Variants in CMSS1 observed in about 807,000 individuals in gnomAD.
CMSS1 encodes the protein cms1 ribosomal small subunit homolog, also known as protein CMSS1.
Under a neutral mutation model 43.5 loss-of-function variants are expected in CMSS1, and 33 were observed. The observed-to-expected ratio is 0.76, with a 90% CI of 0.57 to 1.01. The LOEUF is 1.01. CMSS1 is among the 50% of genes least tolerant of loss of function. CMSS1 has a pLI of 0.00. For synonymous variants in CMSS1, 115 were observed against 117.2 expected, an observed-to-expected ratio of 0.98 and a Z score of 0.12; for missense variants, 313 against 326.4, an observed-to-expected ratio of 0.96 and a Z score of 0.32.
At chr3:99,939,432 C>T (rs1707790125) in intron 1 of CMSS1, among the ~76,000 whole-genome samples, 1 of 152,180 alleles carries the variant, frequency 6.6e-6, no homozygotes, top group South Asian at 2.1e-4. Context: ...CACTCAGTTT[C>T]TTTATTCATT....
At chr3:100,056,589 A>G (rs531859522) in intron 1 of CMSS1, among the ~76,000 whole-genome samples, 66 of 152,244 alleles carry the variant, frequency 4.3e-4, no homozygotes, top group African/African-American at 1.5e-3. Context: ...GTGATTAACA[A>G]GTTTGTCATA....
intron 4 of CMSS1, among the ~76,000 whole-genome samples, chr3:100,163,200 T>C (rs1232200274): frequency 6.6e-6 from 1 of 152,242 alleles, no homozygotes; most frequent in Non-Finnish European, 1.5e-5. Flanking sequence ...ATCATGAGGA[T>C]AGAAGTTGAA....
chr3:99,950,080 C>T (rs1382627559), intron 1 of CMSS1, among the ~76,000 whole-genome samples: 1 of 152,144 alleles, frequency 6.6e-6, no homozygotes, highest in Non-Finnish European at 1.5e-5. Flanking sequence ...TTTAAGGTGT[C>T]ACTTAGTCAC....
At chr3:99,892,152 A>G (rs989856074) in intron 1 of CMSS1, among the ~76,000 whole-genome samples, 4 of 152,162 alleles carry the variant, frequency 2.6e-5, no homozygotes, top group Non-Finnish European at 4.4e-5. Context: ...TTCAAAGGGA[A>G]ACTGTTCTTA....
At chr3:100,136,370 C>T (rs1347237869) in intron 1 of CMSS1, among the ~76,000 whole-genome samples, 2 of 152,182 alleles carry the variant, frequency 1.3e-5, no homozygotes, top group Non-Finnish European at 2.9e-5. Flanking sequence ...GTCTTGTGTC[C>T]TGGGACCTGG....
At chr3:99,927,869 A>G (rs1707346588) in intron 1 of CMSS1, among the ~76,000 whole-genome samples, 1 of 152,248 alleles carries the variant, frequency 6.6e-6, no homozygotes, top group Non-Finnish European at 1.5e-5. Context: ...GTTCCAGCTC[A>G]CAGGCTTCCA....
intron 1 of CMSS1, among the ~76,000 whole-genome samples, chr3:100,142,078 T>C (rs757894356): frequency 1.7e-4 from 26 of 152,248 alleles, no homozygotes; most frequent in Non-Finnish European, 3.2e-4. Flanking sequence ...CAATTTACAG[T>C]GATATAAGAT....
intron 1 of CMSS1, among the ~76,000 whole-genome samples, chr3:100,128,594 C>G (rs972215100): frequency 1.3e-5 from 2 of 152,134 alleles, no homozygotes; most frequent in Non-Finnish European, 2.9e-5. Context: ...TTTACCAAGA[C>G]CTAGAACATT....
chr3:100,078,027 G>T (rs2065876720), intron 1 of CMSS1, among the ~76,000 whole-genome samples: 1 of 151,598 alleles, frequency 6.6e-6, no homozygotes, highest in Admixed American at 6.6e-5. Flanking sequence ...ATTATTAATT[G>T]TACTAACAAT....
chr3:100,037,590 T>C (rs1196540240), intron 1 of CMSS1, among the ~76,000 whole-genome samples: 2 of 152,190 alleles, frequency 1.3e-5, no homozygotes, highest in African/African-American at 4.8e-5. Flanking sequence ...ACAGAAATCC[T>C]TTTAGCAATC....
At chr3:99,848,793 G>A (rs762519590) in intron 1 of CMSS1, 6 of 1,614,048 alleles carry the variant, frequency 3.7e-6, no homozygotes, top group Non-Finnish European at 5.1e-6. Flanking sequence ...CTTCGGTAGA[G>A]GTTTTGGACT....
At chr3:99,857,835 T>C (rs867044885) in intron 1 of CMSS1, among the ~76,000 whole-genome samples, 2 of 152,352 alleles carry the variant, frequency 1.3e-5, no homozygotes, top group Middle Eastern at 3.4e-3. Context: ...ATGTTCACTA[T>C]GTAAATCTTG....
intron 1 of CMSS1, among the ~76,000 whole-genome samples, chr3:100,139,249 C>G (rs922630741): frequency 5.3e-5 from 8 of 152,018 alleles, no homozygotes; most frequent in African/African-American, 1.9e-4. Flanking sequence ...CAGCAAACCA[C>G]CATGGCACAT....
chr3:99,929,996 C>T (rs1707425752), intron 1 of CMSS1: 2 of 1,613,574 alleles, frequency 1.2e-6, no homozygotes, highest in Non-Finnish European at 1.7e-6. Context: ...TCCATTTTTT[C>T]AGCCTTTAAA....
intron 1 of CMSS1, among the ~76,000 whole-genome samples, chr3:99,890,923 C>A (rs1408532857): frequency 6.6e-6 from 1 of 151,990 alleles, no homozygotes; most frequent in Non-Finnish European, 1.5e-5. Context: ...TTCCTTGAGC[C>A]CTGAGTTGAA....
At chr3:100,014,288 T>G (rs966166402) in intron 1 of CMSS1, among the ~76,000 whole-genome samples, 5 of 152,080 alleles carry the variant, frequency 3.3e-5, no homozygotes, top group African/African-American at 1.2e-4. Flanking sequence ...TTATGAATAA[T>G]GCTGCAATGA....
chr3:99,833,532 C>T (rs1195067585), intron 1 of CMSS1, among the ~76,000 whole-genome samples: 1 of 152,126 alleles, frequency 6.6e-6, no homozygotes, highest in Non-Finnish European at 1.5e-5. Context: ...CACAAATATA[C>T]CAGAACAAAA....
chr3:100,163,403 T>G (rs1199421712), intron 4 of CMSS1, among the ~76,000 whole-genome samples: 2 of 152,242 alleles, frequency 1.3e-5, no homozygotes, highest in African/African-American at 2.4e-5. Flanking sequence ...AACAAAATTC[T>G]GTATGTTTTG....
chr3:100,139,841 A>C (rs1369468131), intron 1 of CMSS1, among the ~76,000 whole-genome samples: 3 of 151,398 alleles, frequency 2.0e-5, no homozygotes, highest in Admixed American at 1.3e-4. Flanking sequence ...TCTATAAATA[A>C]AGTTCATCAG....
Sources: allele counts gnomAD v4.1 joint callset (sites outside exome capture counted in the v4.1 genomes callset), GRCh38; gene constraint gnomAD v4.1.1; transcripts MANE v1.5; gene names NCBI Gene and HGNC (gene_info 2026-07-23, HGNC 2026-07-21).